CDH10: variants seen among roughly 807,000 people sequenced by gnomAD.
CDH10 encodes cadherin 10, also known as cadherin-10.
A neutral mutation model predicts 73.1 loss-of-function variants in CDH10; 30 were observed. The observed-to-expected ratio is 0.41, with a 90% CI of 0.31 to 0.56. The LOEUF (loss-of-function observed/expected upper bound fraction) is 0.56, where lower values mean the gene tolerates loss of function less well. Among genes scored for constraint, CDH10 ranks in the 20% least tolerant of loss-of-function variants. The pLI is 0.27. For missense variants in CDH10, 815 were observed against 973.7 expected (o/e 0.84, Z 2.17); for synonymous variants, 345 against 348.2 (o/e 0.99, Z 0.10).
At chr5:24,614,740 A>G (rs965062931) in intron 1 of CDH10, among the ~76,000 whole-genome samples, 1 of 152,080 alleles carries the variant, frequency 6.6e-6, no homozygotes, top group Non-Finnish European at 1.5e-5. Context: ...TTAAAATTTG[A>G]TATTTGGGAG....
chr5:24,546,692 T>G (rs2111933082), intron 2 of CDH10, among the ~76,000 whole-genome samples: 1 of 152,304 alleles, frequency 6.6e-6, no homozygotes, highest in East Asian at 1.9e-4. Context: ...TATAAACTCT[T>G]AACCTGTAAC....
chr5:24,505,060 TATAAAC>T (rs1448290402), intron 8 of CDH10, 46 bp downstream of exon 8: 47 of 1,248,416 alleles, frequency 3.8e-5, no homozygotes, highest in Admixed American at 6.3e-5. Context: ...GCATAAAATA[TATAAAC>T]ATAAACATAT....
intron 5 of CDH10, among the ~76,000 whole-genome samples, chr5:24,533,103 T>C (rs1368949295): frequency 6.6e-6 from 1 of 152,026 alleles, no homozygotes; most frequent in African/African-American, 2.4e-5. Context: ...CCATCTATAA[T>C]TTGAAAATAA....
chr5:24,527,286 G>A (rs1166169124), intron 5 of CDH10, among the ~76,000 whole-genome samples: 1 of 146,394 alleles, frequency 6.8e-6, no homozygotes, highest in Non-Finnish European at 1.5e-5. Flanking sequence ...TATAAATATA[G>A]TCTTATATAT....
At position 24,498,372 on chromosome 5, in the gene CDH10, A is replaced by G. The variant is rs200724704; in HGVS notation, c.1515+26T>C. The G allele has an allele frequency of 2.7e-4, 409 of 1,530,370 alleles. No individual in the cohort carries two copies. The African/African-American group carries it at 5.0e-3, about 19-fold the overall frequency. 94.8% of individuals were successfully genotyped at this position (1,530,370 alleles called of 1,614,324 possible). A position where few individuals can be genotyped will look rare whatever the true frequency, so the allele number is the denominator to read the frequency against. ...TTTTGCATACAGTTAAAATCTTTCC[A>G]GAGTTTTAATCCTGTAGGGGCTTAC... On this transcript the variant is annotated intron_variant, in intron 9 of 11. Transcript: ENST00000264463.
chr5:24,561,474 G>A (rs972952515), intron 2 of CDH10, among the ~76,000 whole-genome samples: 2 of 152,014 alleles, frequency 1.3e-5, no homozygotes, highest in African/African-American at 4.8e-5. Context: ...CTTAATTTAA[G>A]GGTAATTTGC....
At chr5:24,609,532 C>G (rs146829058) in intron 1 of CDH10, among the ~76,000 whole-genome samples, 1 of 152,130 alleles carries the variant, frequency 6.6e-6, no homozygotes, top group East Asian at 1.9e-4. Context: ...GAGATTATGA[C>G]AGGACACTAT....
intron 8 of CDH10, among the ~76,000 whole-genome samples, chr5:24,501,966 T>G (rs1239079195): frequency 6.6e-6 from 1 of 152,058 alleles, no homozygotes; most frequent in Non-Finnish European, 1.5e-5. Context: ...TCGCCCTGGC[T>G]GCAGTGCAGT....
At chr5:24,627,483 T>C (rs1322713184) in intron 1 of CDH10, among the ~76,000 whole-genome samples, 1 of 152,150 alleles carries the variant, frequency 6.6e-6, no homozygotes, top group Non-Finnish European at 1.5e-5. Flanking sequence ...AATACATGCA[T>C]GTATATTTAA....
chr5:24,640,544 AG>A (rs1748014783), intron 1 of CDH10, among the ~76,000 whole-genome samples: 1 of 150,462 alleles, frequency 6.6e-6, no homozygotes, highest in African/African-American at 2.5e-5. Flanking sequence ...AAAAAAAAAA[AG>A]AAAAGATTGA....
At chr5:24,526,859 G>T (rs1210152065) in intron 5 of CDH10, among the ~76,000 whole-genome samples, 1 of 151,578 alleles carries the variant, frequency 6.6e-6, no homozygotes, top group African/African-American at 2.4e-5. Flanking sequence ...TGCTAACAAC[G>T]TCTTATCTCA....
chr5:24,587,719 C>T (rs1345410110), intron 2 of CDH10, among the ~76,000 whole-genome samples: 1 of 125,528 alleles, frequency 8.0e-6, no homozygotes, highest in African/African-American at 2.5e-5. Context: ...AAATGATTGG[C>T]TAAATTATAG....
intron 1 of CDH10, among the ~76,000 whole-genome samples, chr5:24,619,378 A>C (rs188838732): frequency 4.0e-4 from 61 of 152,192 alleles, no homozygotes; most frequent in Non-Finnish European, 2.2e-4. Context: ...TATTTTTAGT[A>C]GAGACGAGGT....
chr5:24,556,525 T>G (rs1439974937), intron 2 of CDH10, among the ~76,000 whole-genome samples: 1 of 151,804 alleles, frequency 6.6e-6, no homozygotes, highest in African/African-American at 2.4e-5. Context: ...TACCAGTTAT[T>G]TTATATGATT....
chr5:24,605,221 T>G (rs1746717424), intron 1 of CDH10, among the ~76,000 whole-genome samples: 2 of 152,140 alleles, frequency 1.3e-5, no homozygotes, highest in Admixed American at 1.3e-4. Flanking sequence ...TACCAAGTGT[T>G]GGAAAGGATA....
chr5:24,610,725 A>G (rs542649633), intron 1 of CDH10, among the ~76,000 whole-genome samples: 1 of 152,272 alleles, frequency 6.6e-6, no homozygotes, highest in South Asian at 2.1e-4. Context: ...AAGATTTTAA[A>G]TGCCTTGTAC....
At chr5:24,636,345 G>C (rs1402001032) in intron 1 of CDH10, among the ~76,000 whole-genome samples, 1 of 151,946 alleles carries the variant, frequency 6.6e-6, no homozygotes, top group Non-Finnish European at 1.5e-5. Context: ...ATCTGTCAAA[G>C]GACCTTGTGA....
At chr5:24,571,276 C>T (rs550817502) in intron 2 of CDH10, among the ~76,000 whole-genome samples, 4 of 151,828 alleles carry the variant, frequency 2.6e-5, no homozygotes, top group Non-Finnish European at 5.9e-5. Flanking sequence ...AGATAAAGGG[C>T]AAAACATTTT....
At chr5:24,531,501 A>C (rs1470505655) in intron 5 of CDH10, among the ~76,000 whole-genome samples, 1 of 152,134 alleles carries the variant, frequency 6.6e-6, no homozygotes, top group Non-Finnish European at 1.5e-5. Context: ...TAATTGACTC[A>C]CAGCTCCACA....
Sources: allele counts gnomAD v4.1 joint callset (sites outside exome capture counted in the v4.1 genomes callset), GRCh38; gene constraint gnomAD v4.1.1; transcripts MANE v1.5; gene names NCBI Gene and HGNC (gene_info 2026-07-23, HGNC 2026-07-21).